The following AGBL4 variants were observed in gnomAD, a reference collection of about 807,000 sequenced individuals.
The protein encoded by AGBL4 is cytosolic carboxypeptidase 6.
In AGBL4, 58 loss-of-function variants were observed where a neutral mutation model predicts 66.4. That is an observed-to-expected ratio of 0.87 (90% CI 0.71 to 1.09). The LOEUF is 1.09. Among genes scored for constraint, AGBL4 ranks in the 50% least tolerant of loss-of-function variants. The pLI is 0.00. For synonymous variants in AGBL4, 234 were observed against 222.9 expected, an observed-to-expected ratio of 1.05 and a Z score of -0.44; for missense variants, 579 against 631.0, an observed-to-expected ratio of 0.92 and a Z score of 0.88.
At position 49,841,830 on chromosome 1, in the gene AGBL4, G is replaced by A. The variant is rs567167533; in HGVS notation, c.157+9566C>T. On this transcript the variant is annotated intron_variant, in intron 2 of 13. Coordinates refer to ENST00000371839, the MANE Select transcript of AGBL4 (RefSeq NM_032785.4). ...AAAAAAAAAATCCCACCGGCACCAC[G>A]GCCTTTGTCTCACAGTCAGGCGGAG... 45 of 414,722 alleles carry A rather than the reference G, an allele frequency of 1.1e-4. 1 individual carries two copies. The highest frequency in any genetic ancestry group is 3.6e-4 in the Middle Eastern group (1 of 2,760). The allele number at this position is 414,722 out of a possible 1,614,324, so 25.7% of individuals were successfully genotyped here.
intron 1 of AGBL4, among the ~76,000 whole-genome samples, chr1:49,862,951 C>T (rs1028725325): frequency 5.3e-5 from 8 of 152,194 alleles, no homozygotes; most frequent in Non-Finnish European, 1.0e-4. Flanking sequence ...TAAGTAATTA[C>T]CTGAGGGTAC....
chr1:49,676,454 C>T (rs1339501421), intron 3 of AGBL4, among the ~76,000 whole-genome samples: 1 of 151,994 alleles, frequency 6.6e-6, no homozygotes, highest in East Asian at 1.9e-4. Flanking sequence ...GGGGTAATAT[C>T]ATTTGGCATT....
chr1:49,545,848 C>G (rs1416969297), intron 3 of AGBL4, among the ~76,000 whole-genome samples: 1 of 152,068 alleles, frequency 6.6e-6, no homozygotes, highest in Non-Finnish European at 1.5e-5. Context: ...AAACACAAAT[C>G]AAGATATATT....
At chr1:48,793,648 G>C (rs1039000450) in intron 6 of AGBL4, among the ~76,000 whole-genome samples, 6 of 152,140 alleles carry the variant, frequency 3.9e-5, no homozygotes, top group Admixed American at 3.9e-4. Context: ...TCCACGGACT[G>C]TTGCCACCCA....
intron 6 of AGBL4, among the ~76,000 whole-genome samples, chr1:48,841,567 CCCA>C (rs1237579639): frequency 6.6e-6 from 1 of 152,038 alleles, no homozygotes; most frequent in Non-Finnish European, 1.5e-5. Flanking sequence ...CCTCCAACCC[CCCA>C]CCTTATTTTA....
chr1:49,186,522 A>G lies in AGBL4; in HGVS notation c.377+59248T>C, dbSNP rs146578602. Among the ~76,000 whole-genome samples, 571 of 152,300 alleles carry G rather than the reference A, an allele frequency of 3.7e-3. 3 individuals carry two copies. Among genetic ancestry groups the G allele is most frequent in the African/African-American group, 0.013 (561 of 41,584 alleles). Reference sequence around the variant, plus strand: ...ATCACCTGTAAAATGGTGATAATAAAACCAACCCTACATGGTAACAACAAT... The same window carrying G: ...ATCACCTGTAAAATGGTGATAATAAGACCAACCCTACATGGTAACAACAAT... On this transcript the variant is annotated intron_variant, in intron 4 of 13. Transcript: ENST00000371839.
At chr1:49,741,025 C>G (rs1424098161) in intron 2 of AGBL4, among the ~76,000 whole-genome samples, 1 of 152,014 alleles carries the variant, frequency 6.6e-6, no homozygotes, top group African/African-American at 2.4e-5. Flanking sequence ...CAAAAGCTAG[C>G]AGAAGGCAAG....
intron 2 of AGBL4, among the ~76,000 whole-genome samples, chr1:49,786,893 A>G (rs1174153196): frequency 6.6e-6 from 1 of 152,194 alleles, no homozygotes; most frequent in African/African-American, 2.4e-5. Flanking sequence ...CTGCAGTGGC[A>G]GTGTTGGTAA....
At chr1:48,587,250 C>G (rs1644837628) in intron 10 of AGBL4, 84 bp from the exon 11 acceptor site, 1 of 1,354,298 alleles carries the variant, frequency 7.4e-7, no homozygotes, top group African/African-American at 1.5e-5. Flanking sequence ...ACCTCTGGGT[C>G]TCAGCTTCAC....
chr1:48,996,609 G>T (rs1661012879), intron 5 of AGBL4, among the ~76,000 whole-genome samples: 1 of 152,174 alleles, frequency 6.6e-6, no homozygotes, highest in South Asian at 2.1e-4. Context: ...ATTAGAATTG[G>T]CAGGATGATG....
chr1:49,726,128 C>T (rs924084327), intron 2 of AGBL4, among the ~76,000 whole-genome samples: 1 of 151,866 alleles, frequency 6.6e-6, no homozygotes, highest in African/African-American at 2.4e-5. Context: ...GTGTGGAGGA[C>T]ATTTGAGTTT....
chr1:48,767,858 C>A (rs1227654274), intron 6 of AGBL4, among the ~76,000 whole-genome samples: 1 of 152,186 alleles, frequency 6.6e-6, no homozygotes, highest in Admixed American at 6.5e-5. Context: ...CCTTTTCCTC[C>A]TCCTTTCTAG....
At chr1:48,577,041 C>G (rs1316178030) in intron 11 of AGBL4, among the ~76,000 whole-genome samples, 1 of 152,182 alleles carries the variant, frequency 6.6e-6, no homozygotes, top group African/African-American at 2.4e-5. Context: ...TTAAGCCCCC[C>G]TCAAATGTTC....
At position 49,199,482 on chromosome 1, in the gene AGBL4, G is replaced by A. The variant is rs544626092; in HGVS notation, c.377+46288C>T. On this transcript the variant is annotated intron_variant, in intron 4 of 13. Coordinates refer to ENST00000371839, the MANE Select transcript of AGBL4 (RefSeq NM_032785.4). Reference sequence around the variant, plus strand: ...GGCTGTCCTCTTAAACAGAAAAACCGTGTACGGCATCTGTATGTGCCTTTC... The same window carrying A: ...GGCTGTCCTCTTAAACAGAAAAACCATGTACGGCATCTGTATGTGCCTTTC... 7.2e-5 allele frequency among the ~76,000 whole-genome samples: 11 copies of A among 152,154 alleles called. No homozygotes were observed. In the East Asian group the frequency reaches 9.6e-4, roughly 13 times the overall value.
chr1:49,432,270 C>T (rs1281226208), intron 3 of AGBL4, among the ~76,000 whole-genome samples: 1 of 152,128 alleles, frequency 6.6e-6, no homozygotes, highest in Non-Finnish European at 1.5e-5. Flanking sequence ...CACACTTACA[C>T]GTAGACATAT....
intron 3 of AGBL4, among the ~76,000 whole-genome samples, chr1:49,558,105 A>C (rs1643946724): frequency 6.6e-6 from 1 of 151,798 alleles, no homozygotes; most frequent in Non-Finnish European, 1.5e-5. Flanking sequence ...GAGCCCTTGG[A>C]CCCTGAATAA....
intron 2 of AGBL4, among the ~76,000 whole-genome samples, chr1:49,737,586 C>CCATCAGACTAATAGCAG (rs1462588834): frequency 6.6e-6 from 1 of 152,148 alleles, no homozygotes; most frequent in African/African-American, 2.4e-5. Context: ...GTTCTGTGGT[C>CCATCAGACTAATAGCAG]ATTGGTGATG....
At chr1:49,223,890 G>C (rs1649696885) in intron 4 of AGBL4, among the ~76,000 whole-genome samples, 1 of 152,182 alleles carries the variant, frequency 6.6e-6, no homozygotes, top group Admixed American at 6.5e-5. Context: ...AACATGTTGT[G>C]CTAATGATGA....
At chr1:49,800,445 A>G (rs1276639809) in intron 2 of AGBL4, among the ~76,000 whole-genome samples, 1 of 138,008 alleles carries the variant, frequency 7.2e-6, no homozygotes, top group Non-Finnish European at 1.6e-5. Context: ...TACATGTGCC[A>G]TGCTGGTGCG....
Sources: gnomAD v4.1 joint callset for allele counts (sites outside exome capture counted in the v4.1 genomes callset) on GRCh38, gnomAD v4.1.1 for gene constraint, MANE v1.5 for transcripts, NCBI Gene and HGNC (gene_info 2026-07-23, HGNC 2026-07-21) for gene names.